Variants in RALYL observed in about 807,000 individuals in gnomAD.
The protein encoded by RALYL is RALY RNA binding protein like.
A neutral mutation model predicts 35.1 loss-of-function variants in RALYL; 29 were observed. The ratio of observed to expected loss-of-function variants is 0.83; its 90% CI spans 0.61 to 1.13. The LOEUF is 1.13. RALYL is among the 50% of genes most tolerant of loss of function. The pLI is 0.00. For synonymous variants in RALYL, 120 were observed against 127.6 expected, an observed-to-expected ratio of 0.94 and a Z score of 0.40; for missense variants, 359 against 360.4, an observed-to-expected ratio of 1.00 and a Z score of 0.03.
chr8:84,862,605 T>C (rs990543499), intron 6 of RALYL, among the ~76,000 whole-genome samples, 152 bp downstream of exon 6: 1 of 152,192 alleles, frequency 6.6e-6, no homozygotes, highest in African/African-American at 2.4e-5. Context: ...TAAAAAATGG[T>C]CTCTGCTTTC....
At chr8:84,902,123 C>G (rs1040609557) in intron 8 of RALYL, among the ~76,000 whole-genome samples, 2 of 152,124 alleles carry the variant, frequency 1.3e-5, no homozygotes, top group Non-Finnish European at 2.9e-5. Context: ...GACTCGGTAA[C>G]TTACAAAGAA....
chr8:84,875,557 T>C (rs1251849976), intron 7 of RALYL, among the ~76,000 whole-genome samples: 1 of 152,082 alleles, frequency 6.6e-6, no homozygotes, highest in African/African-American at 2.4e-5. Flanking sequence ...CTTAGTCCTT[T>C]GATATTTATG....
chr8:84,338,628 T>G (rs1021394782), intron 1 of RALYL, among the ~76,000 whole-genome samples: 1 of 152,112 alleles, frequency 6.6e-6, no homozygotes, highest in African/African-American at 2.4e-5. Context: ...CTAGCACAGC[T>G]GAATTAGTAC....
At chr8:84,852,361 TATC>T (rs1259369038) in intron 5 of RALYL, among the ~76,000 whole-genome samples, 35 of 152,268 alleles carry the variant, frequency 2.3e-4, no homozygotes, top group African/African-American at 6.5e-4. Context: ...TTAAGAAACT[TATC>T]ATAACTTATT....
At chr8:84,223,886 A>G (rs1823153451) in intron 1 of RALYL, among the ~76,000 whole-genome samples, 3 of 152,216 alleles carry the variant, frequency 2.0e-5, no homozygotes, top group Non-Finnish European at 4.4e-5. Flanking sequence ...AATTATTCCA[A>G]TATGTCAATA....
chr8:84,674,339 C>T (rs749301871), intron 2 of RALYL, among the ~76,000 whole-genome samples: 1 of 152,114 alleles, frequency 6.6e-6, no homozygotes, highest in Non-Finnish European at 1.5e-5. Context: ...GTTTAACTTC[C>T]TCTCTTTGTA....
At chr8:84,263,721 C>T (rs1463469921) in intron 1 of RALYL, among the ~76,000 whole-genome samples, 2 of 152,034 alleles carry the variant, frequency 1.3e-5, no homozygotes, top group South Asian at 2.1e-4. Context: ...GTATTAAGCT[C>T]AGCATCTATT....
chr8:84,781,914 ACT>A (rs1030828181), intron 3 of RALYL, among the ~76,000 whole-genome samples: 18 of 152,238 alleles, frequency 1.2e-4, no homozygotes, highest in African/African-American at 3.9e-4. Flanking sequence ...TGTTTTCCTA[ACT>A]CTGTTTTCTG....
chr8:84,799,574 T>C (rs921142851), intron 3 of RALYL, among the ~76,000 whole-genome samples: 2 of 152,064 alleles, frequency 1.3e-5, no homozygotes, highest in African/African-American at 4.8e-5. Context: ...TGGAAAGGAG[T>C]TCATGAGAAT....
At chr8:84,203,283 T>C (rs1032148046) in intron 1 of RALYL, among the ~76,000 whole-genome samples, 1 of 148,806 alleles carries the variant, frequency 6.7e-6, no homozygotes. Flanking sequence ...CTTTCTTTCT[T>C]TTTTTTTTTT....
At chr8:84,517,396 C>T (rs1262701936) in intron 1 of RALYL, among the ~76,000 whole-genome samples, 1 of 152,108 alleles carries the variant, frequency 6.6e-6, no homozygotes, top group Non-Finnish European at 1.5e-5. Context: ...CTCCTGAGTA[C>T]AAGGTAAATA....
chr8:84,606,829 G>C (rs1817246387), intron 2 of RALYL, among the ~76,000 whole-genome samples: 1 of 152,058 alleles, frequency 6.6e-6, no homozygotes, highest in African/African-American at 2.4e-5. Context: ...TTTGTTTAAG[G>C]TCTTTATATA....
chr8:84,288,954 G>C (rs1838220615), intron 1 of RALYL, among the ~76,000 whole-genome samples: 1 of 152,142 alleles, frequency 6.6e-6, no homozygotes, highest in African/African-American at 2.4e-5. Context: ...CACAATAGGA[G>C]AGAGAAAGAC....
At chr8:84,225,467 C>T (rs985674673) in intron 1 of RALYL, among the ~76,000 whole-genome samples, 1 of 152,178 alleles carries the variant, frequency 6.6e-6, no homozygotes, top group African/African-American at 2.4e-5. Context: ...GCTGACTTGG[C>T]TCCTGCTTAT....
Position 84,269,207 on chromosome 8 carries a change from C to T in RALYL, c.-24+84783C>T, listed in dbSNP as rs143732635. Among the ~76,000 whole-genome samples the T allele has an allele frequency of 7.8e-3, 1,183 of 152,250 alleles. 19 individuals carry two copies. Among genetic ancestry groups the T allele is most frequent in the African/African-American group, 0.027 (1,138 of 41,554 alleles). ...ATTAATATGGGAAAGAATGACTCCA[C>T]TGCATAATGATACTAGAATTATAGT... On this transcript the variant is annotated intron_variant, in intron 1 of 8. Coordinates refer to ENST00000521268, the MANE Select transcript of RALYL (RefSeq NM_173848.7).
chr8:84,589,591 G>A (rs1812773644), intron 2 of RALYL, among the ~76,000 whole-genome samples: 1 of 152,094 alleles, frequency 6.6e-6, no homozygotes, highest in South Asian at 2.1e-4. Flanking sequence ...TTCAGGTTAT[G>A]TATCAGGAAA....
intron 2 of RALYL, among the ~76,000 whole-genome samples, chr8:84,593,655 T>C (rs77731339): frequency 0.019 from 2,835 of 152,200 alleles, 39 homozygotes; most frequent in Middle Eastern, 0.051. Context: ...TGTAAATCTC[T>C]GTACATAGGC....
intron 1 of RALYL, among the ~76,000 whole-genome samples, chr8:84,515,334 A>G (rs1002527165): frequency 1.3e-5 from 2 of 152,158 alleles, no homozygotes; most frequent in Non-Finnish European, 2.9e-5. Context: ...ATTATATTGT[A>G]TATAGTGGGC....
chr8:84,570,838 G>T (rs1181136243), intron 2 of RALYL, among the ~76,000 whole-genome samples: 1 of 151,734 alleles, frequency 6.6e-6, no homozygotes, highest in Non-Finnish European at 1.5e-5. Flanking sequence ...CATCTATTGA[G>T]ATGATTATAT....
Sources: gnomAD v4.1 joint callset for allele counts (sites outside exome capture counted in the v4.1 genomes callset) on GRCh38, gnomAD v4.1.1 for gene constraint, MANE v1.5 for transcripts, NCBI Gene and HGNC (gene_info 2026-07-23, HGNC 2026-07-21) for gene names.